Variants in SGMS1 observed in about 807,000 individuals in gnomAD.
The protein encoded by SGMS1 is phosphatidylcholine:ceramide cholinephosphotransferase 1.
In SGMS1, 13 loss-of-function variants were observed where a neutral mutation model predicts 46.2. The observed-to-expected ratio is 0.28, with a 90% CI of 0.18 to 0.45. The LOEUF is 0.45. Ranked by LOEUF, SGMS1 falls within the 20% of genes least tolerant of loss-of-function variation. The pLI is 1.00. For synonymous variants in SGMS1, 203 were observed against 187.8 expected, an observed-to-expected ratio of 1.08 and a Z score of -0.66; for missense variants, 324 against 519.9, an observed-to-expected ratio of 0.62 and a Z score of 3.66.
At chr10:50,611,767 C>T (rs1002026049) in intron 1 of SGMS1, among the ~76,000 whole-genome samples, 2 of 152,204 alleles carry the variant, frequency 1.3e-5, no homozygotes, top group African/African-American at 4.8e-5. Context: ...TGTGCACCTT[C>T]ATCCCTGCCG....
rs184124218 is a variant in SGMS1, at chr10:50,421,151, A to C, written c.-232+12325T>G. ...CACGGATTCTCAACATATAGTTATC[A>C]AAAAAAAGTGACGGTGAAACTACGG... On this transcript the variant is annotated intron_variant, in intron 6 of 10. Transcript: ENST00000361781. Among the ~76,000 whole-genome samples the C allele has an allele frequency of 1.9e-3, 292 of 152,098 alleles. 3 individuals carry two copies. The highest frequency in any genetic ancestry group is 8.3e-3 in the South Asian group (40 of 4,810).
At chr10:50,461,540 T>C (rs1224781904) in intron 4 of SGMS1, among the ~76,000 whole-genome samples, 1 of 152,206 alleles carries the variant, frequency 6.6e-6, no homozygotes, top group Non-Finnish European at 1.5e-5. Flanking sequence ...TTTCCTGTGA[T>C]AATCTATAAG....
At chr10:50,596,927 G>A (rs1838600100) in intron 1 of SGMS1, among the ~76,000 whole-genome samples, 1 of 152,164 alleles carries the variant, frequency 6.6e-6, no homozygotes, top group African/African-American at 2.4e-5. Flanking sequence ...GGGTACAACT[G>A]GCTCGTTGCA....
At chr10:50,474,905 G>GCA (rs1837406754) in intron 3 of SGMS1, among the ~76,000 whole-genome samples, 1 of 152,026 alleles carries the variant, frequency 6.6e-6, no homozygotes, top group Admixed American at 6.6e-5. Context: ...ATAAGATATT[G>GCA]GATATATAAA....
At chr10:50,581,258 C>A (rs1440437754) in intron 2 of SGMS1, among the ~76,000 whole-genome samples, 1 of 152,188 alleles carries the variant, frequency 6.6e-6, no homozygotes, top group Non-Finnish European at 1.5e-5. Context: ...GTGGTAGAGA[C>A]CCTGGACTGG....
intron 6 of SGMS1, among the ~76,000 whole-genome samples, chr10:50,345,890 G>A (rs1360635909): frequency 1.3e-5 from 2 of 152,244 alleles, no homozygotes; most frequent in East Asian, 3.9e-4. Context: ...CATATTAACT[G>A]CAGTTATACT....
intron 8 of SGMS1, among the ~76,000 whole-genome samples, chr10:50,319,915 C>T (rs1021008520): frequency 2.6e-5 from 4 of 152,210 alleles, no homozygotes; most frequent in South Asian, 2.1e-4. Context: ...CACACAAGGG[C>T]CTTAGCATCC....
chr10:50,523,897 G>T (rs566434406), intron 2 of SGMS1, among the ~76,000 whole-genome samples: 4 of 152,224 alleles, frequency 2.6e-5, no homozygotes, highest in Non-Finnish European at 2.9e-5. Flanking sequence ...CAAGGCACAC[G>T]TGTGCACATG....
At chr10:50,378,018 T>C (rs537621213) in intron 6 of SGMS1, among the ~76,000 whole-genome samples, 1 of 152,346 alleles carries the variant, frequency 6.6e-6, no homozygotes, top group Non-Finnish European at 1.5e-5. Context: ...TGCTTCAAAA[T>C]GTTTACTCCT....
intron 9 of SGMS1, among the ~76,000 whole-genome samples, chr10:50,308,943 C>G (rs1847215120): frequency 6.6e-6 from 1 of 152,212 alleles, no homozygotes; most frequent in Non-Finnish European, 1.5e-5. Context: ...ATTCATTCAA[C>G]CAATATTCAT....
chr10:50,361,873 T>C (rs1451366012), intron 6 of SGMS1, among the ~76,000 whole-genome samples: 1 of 152,206 alleles, frequency 6.6e-6, no homozygotes, highest in Non-Finnish European at 1.5e-5. Context: ...CCTATTTATT[T>C]ACCTGTATTT....
intron 6 of SGMS1, among the ~76,000 whole-genome samples, chr10:50,419,103 T>C (rs553721911): frequency 1.3e-5 from 2 of 152,200 alleles, no homozygotes; most frequent in South Asian, 4.2e-4. Flanking sequence ...AAAATCATAG[T>C]ATATATAGGG....
intron 1 of SGMS1, among the ~76,000 whole-genome samples, chr10:50,592,729 G>A (rs1036456332): frequency 5.3e-5 from 8 of 152,062 alleles, no homozygotes; most frequent in African/African-American, 1.4e-4. Context: ...CTACATCACT[G>A]ACATTTCTTT....
At chr10:50,512,643 GGGAAAAAAA>G (rs1837767376) in intron 3 of SGMS1, among the ~76,000 whole-genome samples, 1 of 152,044 alleles carries the variant, frequency 6.6e-6, no homozygotes, top group Non-Finnish European at 1.5e-5. Flanking sequence ...AAGAGTTTAT[GGGAAAAAAA>G]GACACTGTTC....
chr10:50,464,144 C>A (rs1837301428), intron 4 of SGMS1, among the ~76,000 whole-genome samples: 1 of 152,080 alleles, frequency 6.6e-6, no homozygotes, highest in Admixed American at 6.5e-5. Context: ...CTACTGTACA[C>A]TTAAAATGGT....
chr10:50,408,069 T>C (rs1849042018), intron 6 of SGMS1, among the ~76,000 whole-genome samples: 1 of 152,200 alleles, frequency 6.6e-6, no homozygotes, highest in Non-Finnish European at 1.5e-5. Context: ...ACTAACCACA[T>C]ATGTAGCTAT....
chr10:50,468,645 A>G (rs1837352266), intron 3 of SGMS1, among the ~76,000 whole-genome samples: 1 of 152,196 alleles, frequency 6.6e-6, no homozygotes, highest in African/African-American at 2.4e-5. Flanking sequence ...CCACCAGATA[A>G]TTATTGAAGA....
chr10:50,608,582 G>A (rs146109640), intron 1 of SGMS1, among the ~76,000 whole-genome samples: 1 of 152,238 alleles, frequency 6.6e-6, no homozygotes, highest in East Asian at 1.9e-4. Flanking sequence ...AGAAAAGAGA[G>A]TTTCAAGGAA....
At chr10:50,391,618 G>A (rs1848768465) in intron 6 of SGMS1, among the ~76,000 whole-genome samples, 1 of 152,024 alleles carries the variant, frequency 6.6e-6, no homozygotes, top group African/African-American at 2.4e-5. Flanking sequence ...GTGATTTCTC[G>A]AAGAACGTAA....
Sources: gnomAD v4.1 joint callset for allele counts (sites outside exome capture counted in the v4.1 genomes callset) on GRCh38, gnomAD v4.1.1 for gene constraint, MANE v1.5 for transcripts, NCBI Gene and HGNC (gene_info 2026-07-23, HGNC 2026-07-21) for gene names.